Variants in NALF1 observed in about 807,000 individuals in gnomAD.
The protein encoded by NALF1 is family with sequence similarity 155 member A.
In NALF1, 3 loss-of-function variants were observed where a neutral mutation model predicts 48.4. The observed-to-expected ratio is 0.06, with a 90% CI of 0.03 to 0.16. The LOEUF (loss-of-function observed/expected upper bound fraction) is 0.16. NALF1 is among the 10% of genes least tolerant of loss of function. The pLI is 1.00. For missense variants in NALF1, 526 were observed against 571.5 expected, an observed-to-expected ratio of 0.92 and a Z score of 0.81; for synonymous variants, 262 against 245.7, an observed-to-expected ratio of 1.07 and a Z score of -0.62.
At chr13:107,858,674 G>A (rs1880495400) in intron 1 of NALF1, among the ~76,000 whole-genome samples, 1 of 152,154 alleles carries the variant, frequency 6.6e-6, no homozygotes, top group Admixed American at 6.5e-5. Flanking sequence ...GCAACAGAGT[G>A]AGACACTGTC....
chr13:107,587,716 G>A (rs1327239341), intron 1 of NALF1, among the ~76,000 whole-genome samples: 1 of 152,136 alleles, frequency 6.6e-6, no homozygotes, highest in African/African-American at 2.4e-5. Context: ...GTCCAGAGAC[G>A]AACAATGAGA....
At chr13:107,379,287 A>G (rs966257325) in intron 1 of NALF1, among the ~76,000 whole-genome samples, 3 of 152,174 alleles carry the variant, frequency 2.0e-5, no homozygotes, top group African/African-American at 4.8e-5. Flanking sequence ...CACCAAGGAA[A>G]CAGCCGGAAA....
chr13:107,362,731 A>G lies in NALF1; in HGVS notation c.916-151976T>C, dbSNP rs558256955. ...CCGACAAGTGTCTGGAGGGATGTGG[A>G]GCTCCTATGATCCAGCAAACACCGT... On this transcript the variant is annotated intron_variant, in intron 1 of 2. Transcript: ENST00000375915. This position sits in a 1 kb window ranked among gnomAD's most constrained non-coding sequence, Gnocchi z 4.6. 5.3e-5 allele frequency among the ~76,000 whole-genome samples: 8 copies of G among 152,150 alleles called. No individual in the cohort carries two copies. Among genetic ancestry groups the G allele is most frequent in the Middle Eastern group, 3.4e-3 (1 of 294 alleles).
chr13:107,693,320 T>C, intron 1 of NALF1, among the ~76,000 whole-genome samples: 1 of 41,068 alleles, frequency 2.4e-5, no homozygotes, highest in African/African-American at 7.3e-5. Flanking sequence ...TCAGGGCCTG[T>C]CGTAGGGTAG....
intron 1 of NALF1, among the ~76,000 whole-genome samples, chr13:107,469,435 TAC>T (rs1885060766): frequency 6.6e-6 from 1 of 152,196 alleles, no homozygotes; most frequent in Non-Finnish European, 1.5e-5. Flanking sequence ...GGTTGTAAAG[TAC>T]ACTTGGCCCT....
chr13:107,349,289 C>T (rs1358869582), intron 1 of NALF1, among the ~76,000 whole-genome samples: 2 of 152,176 alleles, frequency 1.3e-5, no homozygotes, highest in Non-Finnish European at 2.9e-5. Context: ...ACTCTGAATG[C>T]CCAACTCATG....
At chr13:107,336,942 C>T (rs998155925) in intron 1 of NALF1, among the ~76,000 whole-genome samples, 5 of 150,088 alleles carry the variant, frequency 3.3e-5, no homozygotes, top group African/African-American at 1.2e-4. Flanking sequence ...AAAAGAAAAG[C>T]CCCCCCAAAA....
intron 1 of NALF1, among the ~76,000 whole-genome samples, chr13:107,736,940 G>A (rs572429652): frequency 5.5e-4 from 83 of 152,284 alleles, no homozygotes; most frequent in African/African-American, 1.9e-3. Flanking sequence ...CCCACACAGC[G>A]AGGAAACCTT....
chr13:107,205,745 G>C (rs1417748255), intron 2 of NALF1, among the ~76,000 whole-genome samples: 2 of 152,116 alleles, frequency 1.3e-5, no homozygotes, highest in Non-Finnish European at 2.9e-5. Context: ...CTCTGTAAGA[G>C]AGCAGTAAAT....
chr13:107,857,954 T>C (rs1000654344), intron 1 of NALF1, among the ~76,000 whole-genome samples: 2 of 152,218 alleles, frequency 1.3e-5, no homozygotes, highest in African/African-American at 4.8e-5. Context: ...CTCTGCCATA[T>C]TGAAATTATG....
chr13:107,250,198 C>A (rs975722954), intron 1 of NALF1, among the ~76,000 whole-genome samples: 21 of 151,668 alleles, frequency 1.4e-4, no homozygotes, highest in African/African-American at 4.6e-4. Context: ...ATTAGAATTA[C>A]ATGCAATGCT....
intron 1 of NALF1, among the ~76,000 whole-genome samples, chr13:107,457,304 T>G (rs1884839694): frequency 6.6e-6 from 1 of 152,210 alleles, no homozygotes; most frequent in Non-Finnish European, 1.5e-5. Flanking sequence ...GCATTTGATC[T>G]AACTACCTCA....
intron 1 of NALF1, among the ~76,000 whole-genome samples, chr13:107,782,672 C>T (rs1374109932): frequency 6.6e-6 from 1 of 151,534 alleles, no homozygotes; most frequent in South Asian, 2.1e-4. Flanking sequence ...GGCCGGCCAT[C>T]GTCTGAGATG....
chr13:107,176,565 C>T lies in NALF1; in HGVS notation c.1088-5779G>A, dbSNP rs374495994. The stretch of plus-strand genomic sequence containing the variant: ...GCTGAGGCAGGAGAATGGCGTGAAC[C>T]CGGGAGGCGGAGCTTGCAGTGAGCC... On this transcript the variant is annotated intron_variant, in intron 2 of 2. Transcript: ENST00000375915. 1.2e-4 allele frequency among the ~76,000 whole-genome samples: 18 copies of T among 151,888 alleles called. No individual in the cohort carries two copies. In the East Asian group the frequency reaches 3.1e-3, roughly 26 times the overall value.
At chr13:107,828,869 C>T (rs564984533) in intron 1 of NALF1, among the ~76,000 whole-genome samples, 1 of 152,182 alleles carries the variant, frequency 6.6e-6, no homozygotes, top group East Asian at 1.9e-4. Flanking sequence ...TTCAGATCAG[C>T]TTGGGGGGAC....
chr13:107,804,690 G>A (rs893233726), intron 1 of NALF1, among the ~76,000 whole-genome samples: 11 of 152,126 alleles, frequency 7.2e-5, no homozygotes, highest in Admixed American at 4.6e-4. Context: ...GAGGGCACTC[G>A]GAATGTCTGG....
At chr13:107,821,828 G>A (rs1217029281) in intron 1 of NALF1, among the ~76,000 whole-genome samples, 1 of 152,126 alleles carries the variant, frequency 6.6e-6, no homozygotes, top group Non-Finnish European at 1.5e-5. Context: ...TACTGTCATT[G>A]TTATTCTTCC....
intron 1 of NALF1, among the ~76,000 whole-genome samples, chr13:107,254,059 T>TAAAAAAAAAAA (rs1466572812): frequency 2.4e-5 from 3 of 127,132 alleles, no homozygotes; most frequent in Non-Finnish European, 3.3e-5. Context: ...GAGCAAGTAC[T>TAAAAAAAAAAA]AAAATATATA....
intron 1 of NALF1, among the ~76,000 whole-genome samples, chr13:107,852,170 T>C (rs1880337106): frequency 6.6e-6 from 1 of 152,112 alleles, no homozygotes; most frequent in Admixed American, 6.5e-5. Context: ...TTCTAGGTTT[T>C]CCATTATATT....
Sources: allele counts gnomAD v4.1 joint callset (sites outside exome capture counted in the v4.1 genomes callset), GRCh38; gene constraint gnomAD v4.1.1; non-coding constraint Gnocchi (gnomAD v3.1); transcripts MANE v1.5; gene names NCBI Gene and HGNC (gene_info 2026-07-23, HGNC 2026-07-21).